NHSL2: variants seen among roughly 807,000 people sequenced by gnomAD.
NHSL2 encodes NHS-like protein 2.
In NHSL2, 27 loss-of-function variants were observed where a neutral mutation model predicts 53.4. The ratio of observed to expected loss-of-function variants is 0.51; its 90% CI spans 0.37 to 0.70. The LOEUF (loss-of-function observed/expected upper bound fraction) is 0.70. Ranked by LOEUF, NHSL2 falls within the 30% of genes least tolerant of loss-of-function variation. The probability of loss-of-function intolerance (pLI) is 0.00; values close to 1 mark genes in which losing one functional copy is unlikely to be tolerated. For missense variants in NHSL2, 892 were observed against 980.1 expected (o/e 0.91, Z 1.20); for synonymous variants, 408 against 404.1 (o/e 1.01, Z -0.12).
chrX:72,024,342 G>A (rs1169516698), intron 1 of NHSL2, among the ~76,000 whole-genome samples: 2 of 111,698 alleles, frequency 1.8e-5, no homozygotes, highest in African/African-American at 6.5e-5. Flanking sequence ...GAGGCCCTGG[G>A]GACTTCTCCT....
chrX:71,938,718 A>G (rs2041751287), intron 1 of NHSL2, among the ~76,000 whole-genome samples: 1 of 113,102 alleles, frequency 8.8e-6, no homozygotes. Context: ...TGCCCAGGAA[A>G]TGGAGTGAAG....
At chrX:71,956,126 C>T (rs895819003) in intron 1 of NHSL2, among the ~76,000 whole-genome samples, 7 of 111,582 alleles carry the variant, frequency 6.3e-5, no homozygotes, top group African/African-American at 2.3e-4. Flanking sequence ...AGACCCTGCT[C>T]AACATTTGGG....
intron 1 of NHSL2, among the ~76,000 whole-genome samples, chrX:72,094,626 G>A (rs1602363599): frequency 9.0e-6 from 1 of 110,989 alleles, no homozygotes; most frequent in East Asian, 2.8e-4. Flanking sequence ...AACCTCCATG[G>A]GAAGAGACTT....
chrX:72,036,972 T>C (rs1035331726), intron 1 of NHSL2, among the ~76,000 whole-genome samples: 9 of 112,327 alleles, frequency 8.0e-5, no homozygotes, highest in African/African-American at 2.9e-4. Flanking sequence ...TTGGTGTTGA[T>C]ATATGTTGAC....
At chrX:72,079,843 T>C (rs1165773919) in intron 1 of NHSL2, 2 of 112,821 alleles carry the variant, frequency 1.8e-5, no homozygotes, top group East Asian at 5.6e-4. Context: ...CTCGGGCCTT[T>C]GGCTGAGAAC....
chrX:72,079,897 C>T (rs1602351308), intron 1 of NHSL2: 1 of 112,911 alleles, frequency 8.9e-6, no homozygotes, highest in Admixed American at 9.3e-5. Flanking sequence ...AAACTTCCCT[C>T]GCCTGTCCGC....
chrX:71,962,913 C>T (rs1030118418), intron 1 of NHSL2, among the ~76,000 whole-genome samples: 7 of 110,816 alleles, frequency 6.3e-5, no homozygotes, highest in East Asian at 2.8e-4. Flanking sequence ...ATTGGGATTA[C>T]AAGCATGAGC....
chrX:72,094,454 C>T (rs2041927407), intron 1 of NHSL2, among the ~76,000 whole-genome samples: 1 of 109,591 alleles, frequency 9.1e-6, no homozygotes, highest in South Asian at 3.8e-4. Flanking sequence ...TGTTCTGGGG[C>T]AAATAAAGGG....
At chrX:72,027,177 C>T (rs2147906175) in intron 1 of NHSL2, among the ~76,000 whole-genome samples, 1 of 112,563 alleles carries the variant, frequency 8.9e-6, no homozygotes, top group African/African-American at 3.2e-5. Flanking sequence ...CTTCCCACTA[C>T]AGCCCTGTGG....
At chrX:72,094,529 A>G (rs1193078548) in intron 1 of NHSL2, among the ~76,000 whole-genome samples, 1 of 110,193 alleles carries the variant, frequency 9.1e-6, no homozygotes, top group Non-Finnish European at 1.9e-5. Context: ...AAAAAAAAAC[A>G]AGACAAGAAA....
intron 1 of NHSL2, among the ~76,000 whole-genome samples, chrX:72,119,412 A>G (rs1290553815): frequency 8.9e-6 from 1 of 112,034 alleles, no homozygotes; most frequent in East Asian, 2.8e-4. Flanking sequence ...ATGTCTTTCC[A>G]TTTGTTTCCA....
chrX:72,130,899 A>G (rs769991265), intron 1 of NHSL2: 104 of 1,211,888 alleles, frequency 8.6e-5, no homozygotes, highest in Non-Finnish European at 1.2e-4. Flanking sequence ...GGAAGTTGGC[A>G]TGCAAGGGGC....
In NHSL2 at chrX:72,149,432, A is replaced by G. The variant is rs963884156; in HGVS notation, c.*5858A>G. On this transcript the variant is annotated 3_prime_UTR_variant, in exon 8 of 8. Transcript: ENST00000633930. Reference sequence around the variant, plus strand: ...CTGGAACAACTAGTTAACCCCTCTCAGCCTCTTTGTAATGCCAAGCTTTAT... The same window carrying G: ...CTGGAACAACTAGTTAACCCCTCTCGGCCTCTTTGTAATGCCAAGCTTTAT... 1 of 111,882 alleles carries G rather than the reference A, an allele frequency of 8.9e-6. No individual in the cohort carries two copies. Among genetic ancestry groups the G allele is most frequent in the African/African-American group, 3.2e-5 (1 of 30,800 alleles). The allele number at this position is 111,882 out of a possible 1,213,427, so 9.2% of individuals were successfully genotyped here. A position where few individuals can be genotyped will look rare whatever the true frequency, so the allele number is the denominator to read the frequency against.
chrX:72,144,510 C>T lies in NHSL2; in HGVS notation c.*936C>T, dbSNP rs1443241827. The T allele has an allele frequency of 2.0e-6, 2 of 1,018,520 alleles. No homozygotes were observed. The highest frequency in any genetic ancestry group is 6.1e-5 in the East Asian group (1 of 16,349). The allele number at this position is 1,018,520 out of a possible 1,213,427, so 83.9% of individuals were successfully genotyped here. ...AGGAAGTAATTAACTGAAGGAACAG[C>T]ATCATCAAAGGCTCAAGGATAATGG... On this transcript the variant is annotated 3_prime_UTR_variant, in exon 8 of 8. Transcript: ENST00000633930.
intron 1 of NHSL2, among the ~76,000 whole-genome samples, chrX:71,934,188 A>G (rs1459761076): frequency 1.8e-5 from 2 of 111,904 alleles, no homozygotes; most frequent in Non-Finnish European, 1.9e-5. Context: ...TGAGCAGCCT[A>G]CTTGCTTGAC....
At position 72,146,510 on chromosome X, in the gene NHSL2, G is replaced by A. The variant is rs1210654135; in HGVS notation, c.*2936G>A. The A allele has an allele frequency of 8.9e-6, 1 of 111,885 alleles. No individual in the cohort carries two copies. The highest frequency in any genetic ancestry group is 1.9e-5 in the Non-Finnish European group (1 of 53,213). The allele number at this position is 111,885 out of a possible 1,213,427, so 9.2% of individuals were successfully genotyped here. ...ATAATAATGATAATAATTTTTGAAGGTGGAATAGAGAAGAGATTTGAGTGA... is the reference window on the plus strand; with the variant it reads ...ATAATAATGATAATAATTTTTGAAGATGGAATAGAGAAGAGATTTGAGTGA... On this transcript the variant is annotated 3_prime_UTR_variant, in exon 8 of 8. Coordinates refer to ENST00000633930, the MANE Select transcript of NHSL2 (RefSeq NM_001013627.3).
In NHSL2 at chrX:72,047,726, A is replaced by G. The variant is rs1461635398; in HGVS notation, c.281-84353A>G. On this transcript the variant is annotated intron_variant, in intron 1 of 7. Coordinates refer to ENST00000633930, the MANE Select transcript of NHSL2 (RefSeq NM_001013627.3). ...GCTGGGTATAGAGAAGGGTGGCCTC[A>G]TGCTATGGTACAGCATTGTGCCAAG... Among the ~76,000 whole-genome samples, 3 of 111,921 alleles carry G rather than the reference A, an allele frequency of 2.7e-5. No homozygotes were observed. In the East Asian group the frequency reaches 8.4e-4, roughly 31 times the overall value.
intron 1 of NHSL2, among the ~76,000 whole-genome samples, chrX:72,093,712 AGCTTGCTT>A (rs747248899): frequency 0.019 from 1,354 of 71,548 alleles, 32 homozygotes; most frequent in East Asian, 0.095. Flanking sequence ...CCCCTAGTAT[AGCTTGCTT>A]GCTTTCTTTC....
chrX:71,916,856 G>A (rs1467560364), intron 1 of NHSL2, among the ~76,000 whole-genome samples: 1 of 112,490 alleles, frequency 8.9e-6, no homozygotes, highest in Non-Finnish European at 1.9e-5. Flanking sequence ...TGCATATGAA[G>A]AGTAGTGCTT....
Sources: gnomAD v4.1 joint callset for allele counts (sites outside exome capture counted in the v4.1 genomes callset) on GRCh38, gnomAD v4.1.1 for gene constraint, MANE v1.5 for transcripts, NCBI Gene and HGNC (gene_info 2026-07-23, HGNC 2026-07-21) for gene names.